FRYL: variants seen among roughly 807,000 people sequenced by gnomAD.
The protein encoded by FRYL is FRY like transcription coactivator, also known as protein furry homolog-like.
Under a neutral mutation model 351.2 loss-of-function variants are expected in FRYL, and 150 were observed. The ratio of observed to expected loss-of-function variants is 0.43; its 90% confidence interval spans 0.37 to 0.49. FRYL has a LOEUF of 0.49. Among genes scored for constraint, FRYL ranks in the 20% least tolerant of loss-of-function variants. The pLI is 0.00. For missense variants in FRYL, 3,036 were observed against 3,619.3 expected (o/e 0.84, Z 4.13); for synonymous variants, 1,153 against 1,257.1 (o/e 0.92, Z 1.75).
chr4:48,521,132 G>A lies in FRYL; in HGVS notation c.7605C>T (p.Ile2535=). 2 of 1,613,482 alleles carry A rather than the reference G, an allele frequency of 1.2e-6. No homozygotes were observed. The highest frequency in any genetic ancestry group is 1.7e-6 in the Non-Finnish European group (2 of 1,179,458). ...LLQSEDSTGS[I]TTEEVLQIRD... ...TGATTTGAAGCACTTCCTCTGTTGT[G>A]ATGCTGCCAGTGGAATCTTCAGACT... The change falls in exon 55 of 64, where the codon ATC becomes ATT. Residue 2535 remains isoleucine (I), a synonymous_variant. Transcript: ENST00000358350.
At chr4:48,638,949 C>T (rs1754805445) in intron 3 of FRYL, among the ~76,000 whole-genome samples, 1 of 151,802 alleles carries the variant, frequency 6.6e-6, no homozygotes, top group African/African-American at 2.4e-5. Flanking sequence ...CACACTGGGG[C>T]CTGTTGTGGG....
chr4:48,696,616 G>C (rs866564920), intron 2 of FRYL, among the ~76,000 whole-genome samples: 2 of 151,922 alleles, frequency 1.3e-5, no homozygotes, highest in African/African-American at 2.4e-5. Context: ...GATAGGTGCA[G>C]GACACCATTA....
rs1719031877 is a variant in FRYL, at chr4:48,499,296, A to C, written c.*126T>G. 7 of 774,030 alleles carry C rather than the reference A, an allele frequency of 9.0e-6. No individual in the cohort carries two copies. Among genetic ancestry groups the C allele is most frequent in the Non-Finnish European group, 1.5e-5 (7 of 468,742 alleles). The allele number at this position is 774,030 out of a possible 1,614,324, so 47.9% of individuals were successfully genotyped here. On this transcript the variant is annotated 3_prime_UTR_variant, in exon 64 of 64. Transcript: ENST00000358350. ...TTTGTTTTTGATGATACAGTTTGACATTAGTTACACTAAAAAGTAGATGCT... is the reference window on the plus strand; with the variant it reads ...TTTGTTTTTGATGATACAGTTTGACCTTAGTTACACTAAAAAGTAGATGCT...
chr4:48,665,636 T>C (rs1205260044), intron 3 of FRYL, among the ~76,000 whole-genome samples: 1 of 152,224 alleles, frequency 6.6e-6, no homozygotes, highest in Admixed American at 6.5e-5. Flanking sequence ...AAGGGGTATC[T>C]GCCATCAAAA....
At chr4:48,703,770 C>T (rs1414960376) in intron 2 of FRYL, among the ~76,000 whole-genome samples, 1 of 152,206 alleles carries the variant, frequency 6.6e-6, no homozygotes, top group African/African-American at 2.4e-5. Context: ...GGAACACCTA[C>T]TCCCCTCTTA....
At chr4:48,715,715 T>C (rs1768727881) in intron 1 of FRYL, among the ~76,000 whole-genome samples, 1 of 152,154 alleles carries the variant, frequency 6.6e-6, no homozygotes, top group Non-Finnish European at 1.5e-5. Context: ...AATTTATACA[T>C]TCAATGCCAT....
intron 11 of FRYL, among the ~76,000 whole-genome samples, chr4:48,605,384 A>C (rs1008981173): frequency 1.3e-5 from 2 of 152,242 alleles, no homozygotes; most frequent in African/African-American, 4.8e-5. Flanking sequence ...TTTAAAAATG[A>C]AAGCCAAAAC....
At chr4:48,771,741 T>C (rs1006998532) in intron 1 of FRYL, among the ~76,000 whole-genome samples, 5 of 150,528 alleles carry the variant, frequency 3.3e-5, no homozygotes, top group South Asian at 2.1e-4. Context: ...TAAAGCTCCA[T>C]GCACAGAAAG....
intron 6 of FRYL, 129 bp downstream of exon 6, chr4:48,620,510 T>A: frequency 1.1e-6 from 1 of 911,244 alleles, no homozygotes; most frequent in Admixed American, 2.3e-5. Flanking sequence ...CTTACTACCA[T>A]CTTTGTAACA....
intron 11 of FRYL, among the ~76,000 whole-genome samples, chr4:48,605,249 T>C (rs1746533439): frequency 6.6e-6 from 1 of 152,230 alleles, no homozygotes; most frequent in Non-Finnish European, 1.5e-5. Flanking sequence ...CTCATTAATA[T>C]TTCAAATTCT....
intron 7 of FRYL, among the ~76,000 whole-genome samples, chr4:48,616,071 G>T (rs909533308): frequency 1.6e-4 from 24 of 152,054 alleles, no homozygotes; most frequent in African/African-American, 3.9e-4. Context: ...CCTCTCGGCG[G>T]GTGGGGAGCT....
At chr4:48,770,715 G>A (rs1227565595) in intron 1 of FRYL, among the ~76,000 whole-genome samples, 3 of 152,162 alleles carry the variant, frequency 2.0e-5, no homozygotes, top group Non-Finnish European at 4.4e-5. Flanking sequence ...GGAATTACAG[G>A]TGTGAGCCAC....
Position 48,767,510 on chromosome 4 carries a change from C to A in FRYL, c.-384+12568G>T, listed in dbSNP as rs185872669. On this transcript the variant is annotated intron_variant, in intron 1 of 63. Transcript: ENST00000358350. ...AAAAAGAACATCCTGCCATTTACAA[C>A]CACGTGGATGAACCTGGAGGACATT... Among the ~76,000 whole-genome samples, 90 of 152,254 alleles carry A rather than the reference C, an allele frequency of 5.9e-4. 1 individual carries two copies. Among genetic ancestry groups the A allele is most frequent in the African/African-American group, 2.1e-3 (86 of 41,542 alleles).
At chr4:48,663,646 G>A (rs2149481830) in intron 3 of FRYL, among the ~76,000 whole-genome samples, 1 of 151,408 alleles carries the variant, frequency 6.6e-6, no homozygotes, top group Admixed American at 6.6e-5. Flanking sequence ...GTGGTAGCGG[G>A]CGCCTGTAGT....
At chr4:48,608,880 G>A in intron 9 of FRYL, 107 bp downstream of exon 9, 1 of 745,532 alleles carries the variant, frequency 1.3e-6, no homozygotes, top group South Asian at 1.5e-5. Context: ...CTGACTTAGT[G>A]CTATGGAAAA....
At chr4:48,745,071 T>C (rs879768512) in intron 1 of FRYL, among the ~76,000 whole-genome samples, 28 of 152,184 alleles carry the variant, frequency 1.8e-4, no homozygotes, top group Non-Finnish European at 3.1e-4. Context: ...GGAATTTGGA[T>C]AGATAGTCCA....
intron 1 of FRYL, among the ~76,000 whole-genome samples, chr4:48,764,756 G>A (rs1200805111): frequency 6.6e-6 from 1 of 152,136 alleles, no homozygotes; most frequent in Non-Finnish European, 1.5e-5. Flanking sequence ...ATATTATTTT[G>A]TAAAAACAAC....
chr4:48,680,774 A>T (rs1420308647), intron 3 of FRYL, among the ~76,000 whole-genome samples: 2 of 152,184 alleles, frequency 1.3e-5, no homozygotes, highest in South Asian at 2.1e-4. Flanking sequence ...AAATTTTATT[A>T]AAAAAGTAGG....
chr4:48,504,538 G>A (rs1416644118), intron 60 of FRYL, among the ~76,000 whole-genome samples: 3 of 152,232 alleles, frequency 2.0e-5, no homozygotes, highest in East Asian at 3.8e-4. Context: ...CTGGTCTAGG[G>A]TTAATTCCTT....
Sources: gnomAD v4.1 joint callset for allele counts (sites outside exome capture counted in the v4.1 genomes callset) on GRCh38, gnomAD v4.1.1 for gene constraint, MANE v1.5 for transcripts, NCBI Gene and HGNC (gene_info 2026-07-23, HGNC 2026-07-21) for gene names.